FCHO2: variants seen among roughly 807,000 people sequenced by gnomAD.
The protein encoded by FCHO2 is F-BAR domain only protein 2.
A neutral mutation model predicts 114.1 loss-of-function variants in FCHO2; 43 were observed. The ratio of observed to expected loss-of-function variants is 0.38; its 90% CI spans 0.30 to 0.49. The LOEUF (loss-of-function observed/expected upper bound fraction) is 0.49, where lower values mean the gene tolerates loss of function less well. Among genes scored for constraint, FCHO2 ranks in the 20% least tolerant of loss-of-function variants. The pLI is 0.97. For synonymous variants in FCHO2, 293 were observed against 315.2 expected, an observed-to-expected ratio of 0.93 and a Z score of 0.75; for missense variants, 807 against 950.4, an observed-to-expected ratio of 0.85 and a Z score of 1.98.
chr5:73,085,930 C>G (rs1021708192), intron 24 of FCHO2, among the ~76,000 whole-genome samples: 3 of 151,852 alleles, frequency 2.0e-5, no homozygotes, highest in African/African-American at 4.8e-5. Flanking sequence ...CAAGACCAGC[C>G]TGGCCAATAT....
At chr5:72,980,784 T>A (rs1308277003) in intron 2 of FCHO2, among the ~76,000 whole-genome samples, 1 of 152,204 alleles carries the variant, frequency 6.6e-6, no homozygotes, top group Non-Finnish European at 1.5e-5. Context: ...TTTTTTGCTT[T>A]CCATTTGCTT....
chr5:72,963,235 G>A (rs1316776262), intron 1 of FCHO2, among the ~76,000 whole-genome samples: 2 of 152,134 alleles, frequency 1.3e-5, no homozygotes, highest in African/African-American at 2.4e-5. Context: ...AAGCAAATTA[G>A]TGGTGGTGGT....
chr5:73,010,875 C>CA (rs57820498), intron 6 of FCHO2, among the ~76,000 whole-genome samples: 6,706 of 25,488 alleles, frequency 0.26, 1,363 homozygotes, highest in Non-Finnish European at 0.39. Context: ...GACTCTGTCT[C>CA]AAAAAAAAAA....
At position 73,035,773 on chromosome 5, in the gene FCHO2, A is replaced by AT. The variant is rs201438000; in HGVS notation, c.841+1074dup. ...CCACCTTAGCCTCCAAAGTGCTAGG[A>AT]TTACAGGCGTGAGCCACCACACCCA... On this transcript the variant is annotated intron_variant, in intron 9 of 25. Transcript: ENST00000430046. 7.3e-3 allele frequency among the ~76,000 whole-genome samples: 1,105 copies of AT among 151,578 alleles called. 11 individuals carry two copies. Among genetic ancestry groups the AT allele is most frequent in the Middle Eastern group, 0.035 (10 of 284 alleles).
intron 20 of FCHO2, among the ~76,000 whole-genome samples, chr5:73,076,753 TG>T (rs1199989250): frequency 4.6e-5 from 7 of 152,094 alleles, no homozygotes; most frequent in Non-Finnish European, 8.8e-5. Flanking sequence ...AGCTAAGAGT[TG>T]GGGGAAGGAC....
At position 73,078,254 on chromosome 5, in the gene FCHO2, A is replaced by G. The variant is rs1261020638; in HGVS notation, c.1922A>G (p.Lys641Arg). 1 of 1,595,164 alleles carries G rather than the reference A, an allele frequency of 6.3e-7. No homozygotes were observed. The part of the protein sequence containing the change: ...NMQAVTVYLK[K>R]LSEQNPAASY... Reference sequence around the variant, plus strand: ...CAAGCTGTTACAGTCTACCTCAAGAAGCTGTCAGAGCAAAATCCAGCTGCT... The same window carrying G: ...CAAGCTGTTACAGTCTACCTCAAGAGGCTGTCAGAGCAAAATCCAGCTGCT... Residue 641 changes from lysine (K) to arginine (R), a missense_variant, in exon 22 of 26, where the codon AAG becomes AGG. Coordinates refer to ENST00000430046, the MANE Select transcript of FCHO2 (RefSeq NM_138782.3).
At position 72,962,142 on chromosome 5, in the gene FCHO2, G is replaced by A. The variant is rs1258253089; in HGVS notation, c.33+6013G>A. ...GAGAGGCCCTTAGAATTTTTTAAGG[G>A]GTGTGATTTGTTTTATTTTTTAACC... On this transcript the variant is annotated intron_variant, in intron 1 of 25. Transcript: ENST00000430046. 2.0e-5 allele frequency among the ~76,000 whole-genome samples: 3 copies of A among 151,992 alleles called. No individual in the cohort carries two copies. The East Asian group carries it at 5.8e-4, about 29-fold the overall frequency.
chr5:73,081,701 A>T, intron 22 of FCHO2, 82 bp from the exon 23 acceptor site: 4 of 1,035,328 alleles, frequency 3.9e-6, no homozygotes, highest in Non-Finnish European at 5.3e-6. Flanking sequence ...TTGTGGACTT[A>T]CATGTTCAAG....
intron 8 of FCHO2, among the ~76,000 whole-genome samples, chr5:73,022,975 G>A (rs1755710344): frequency 6.6e-6 from 1 of 151,964 alleles, no homozygotes; most frequent in Non-Finnish European, 1.5e-5. Flanking sequence ...TGTAGTGTCA[G>A]CATATTAATT....
Position 73,037,207 on chromosome 5 carries a change from A to G in FCHO2, c.906A>G (p.Ala302=). The change falls in exon 10 of 26, where the codon GCA becomes GCG. Residue 302 remains alanine (A), a synonymous_variant. Transcript: ENST00000430046. ...LPGIIKKEKD[A]ESVECPDADS... is the part of the protein sequence containing the mutation. ...GAATCATTAAAAAGGAAAAAGATGC[A>G]GAATCTGTGTAAGTATTTTAAATAT... 1 of 1,598,696 alleles carries G rather than the reference A, an allele frequency of 6.3e-7. No individual in the cohort carries two copies.
intron 8 of FCHO2, among the ~76,000 whole-genome samples, chr5:73,031,237 A>C (rs1232914079): frequency 6.6e-6 from 1 of 151,842 alleles, no homozygotes; most frequent in African/African-American, 2.4e-5. Context: ...ATGAGTCACA[A>C]CTCTTTCCTT....
At chr5:72,974,610 A>T (rs1211448056) in intron 2 of FCHO2, among the ~76,000 whole-genome samples, 1 of 151,586 alleles carries the variant, frequency 6.6e-6, no homozygotes, top group African/African-American at 2.4e-5. Context: ...TGCATGTGAG[A>T]TGGGTTTCCT....
chr5:73,047,655 G>A (rs1757120963), intron 11 of FCHO2, among the ~76,000 whole-genome samples: 1 of 151,112 alleles, frequency 6.6e-6, no homozygotes, highest in Admixed American at 6.6e-5. Flanking sequence ...CAGAATCACT[G>A]AATGCTCAAG....
chr5:73,065,487 G>A (rs1269884805), intron 18 of FCHO2, among the ~76,000 whole-genome samples: 4 of 152,112 alleles, frequency 2.6e-5, no homozygotes, highest in East Asian at 1.9e-4. Flanking sequence ...TATTAGCCAC[G>A]TATTAGCTGA....
chr5:73,004,954 C>T (rs1047914750), intron 5 of FCHO2, among the ~76,000 whole-genome samples: 2 of 152,152 alleles, frequency 1.3e-5, no homozygotes, highest in African/African-American at 2.4e-5. Flanking sequence ...TCCATGGCTT[C>T]AGACATCTAC....
chr5:73,083,184 A>G (rs1218897007), intron 24 of FCHO2, among the ~76,000 whole-genome samples: 1 of 151,904 alleles, frequency 6.6e-6, no homozygotes, highest in East Asian at 1.9e-4. Flanking sequence ...GCGCCTGGCC[A>G]TGGGTGCACC....
chr5:73,065,646 A>G (rs1742282547), intron 18 of FCHO2, among the ~76,000 whole-genome samples: 2 of 152,194 alleles, frequency 1.3e-5, no homozygotes, highest in African/African-American at 4.8e-5. Context: ...TATTAATTGT[A>G]TAGGCATATT....
chr5:73,012,695 CT>C (rs1266922254), intron 6 of FCHO2, among the ~76,000 whole-genome samples: 1 of 151,882 alleles, frequency 6.6e-6, no homozygotes, highest in Non-Finnish European at 1.5e-5. Flanking sequence ...AGTAAAGTGC[CT>C]ATCTAATTTG....
At position 72,973,186 on chromosome 5, in the gene FCHO2, A is replaced by G. The variant is rs1035810637; in HGVS notation, c.125+4597A>G. The stretch of plus-strand genomic sequence containing the variant: ...CTCTTTTTTGGTTGTGTCTCTGCCC[A>G]GCTTTGGTATCAGGATGATGCTGGC... On this transcript the variant is annotated intron_variant, in intron 2 of 25. Transcript: ENST00000430046. Among the ~76,000 whole-genome samples the G allele has an allele frequency of 2.0e-3, 302 of 152,146 alleles. 2 individuals carry two copies. The highest frequency in any genetic ancestry group is 7.0e-3 in the African/African-American group (289 of 41,510).
Sources: gnomAD v4.1 joint callset for allele counts (sites outside exome capture counted in the v4.1 genomes callset) on GRCh38, gnomAD v4.1.1 for gene constraint, MANE v1.5 for transcripts, NCBI Gene and HGNC (gene_info 2026-07-23, HGNC 2026-07-21) for gene names.